Variants in AFF3 observed in about 807,000 individuals in gnomAD.
AFF3 encodes the protein AF4/FMR2 family member 3.
AFF3 carries 32 observed loss-of-function variants against 129.7 expected under a neutral mutation model. The observed-to-expected ratio is 0.25, with a 90% CI of 0.19 to 0.33. AFF3 has a LOEUF of 0.33. AFF3 is among the 10% of genes least tolerant of loss of function. The probability of loss-of-function intolerance (pLI) is 1.00; values close to 1 mark genes in which losing one functional copy is unlikely to be tolerated. For missense variants in AFF3, 1,373 were observed against 1,592.0 expected (o/e 0.86, Z 2.34); for synonymous variants, 644 against 635.4 (o/e 1.01, Z -0.20).
chr2:99,581,522 CT>C (rs74265080), intron 17 of AFF3, among the ~76,000 whole-genome samples: 26,577 of 145,048 alleles, frequency 0.18, 2,241 homozygotes, highest in East Asian at 0.34. Flanking sequence ...GAATCCTGTT[CT>C]TTTTTTTTTT....
At chr2:100,104,595 G>A (rs947365115) in intron 3 of AFF3, 77 bp from the exon 4 acceptor site, 20 of 444,706 alleles carry the variant, frequency 4.5e-5, no homozygotes, top group Non-Finnish European at 5.0e-5. Context: ...CCCACCCCCA[G>A]GTCGGGGCTC....
chr2:100,130,098 C>T (rs1441735701), intron 1 of AFF3, among the ~76,000 whole-genome samples: 3 of 152,210 alleles, frequency 2.0e-5, no homozygotes, highest in African/African-American at 7.2e-5. Context: ...GTATGTCACA[C>T]TTTCAGTAGC....
At chr2:99,734,496 T>A (rs1281241207) in intron 10 of AFF3, among the ~76,000 whole-genome samples, 1 of 152,186 alleles carries the variant, frequency 6.6e-6, no homozygotes, top group African/African-American at 2.4e-5. Context: ...AATAGGATTC[T>A]TGTTTTGAGT....
rs192071671 is a variant in AFF3, at chr2:99,889,938, G to A, written c.874-52414C>T. Reference sequence around the variant, plus strand: ...GCCTCCCAAAGTGTTGGGATTACAGGCATGAGCCACCGCATCCAGCCTGAA... The same window carrying A: ...GCCTCCCAAAGTGTTGGGATTACAGACATGAGCCACCGCATCCAGCCTGAA... On this transcript the variant is annotated intron_variant, in intron 7 of 24. Transcript: ENST00000672756. 9.7e-4 allele frequency among the ~76,000 whole-genome samples: 148 copies of A among 152,292 alleles called. 1 individual carries two copies. The highest frequency in any genetic ancestry group is 3.4e-3 in the African/African-American group (142 of 41,566).
At chr2:99,905,374 G>A (rs1306396916) in intron 7 of AFF3, among the ~76,000 whole-genome samples, 1 of 152,178 alleles carries the variant, frequency 6.6e-6, no homozygotes, top group African/African-American at 2.4e-5. Flanking sequence ...AGAAGGCCAA[G>A]GATGGTCACC....
intron 11 of AFF3, among the ~76,000 whole-genome samples, chr2:99,700,354 T>C (rs1676730472): frequency 6.6e-6 from 1 of 152,162 alleles, no homozygotes; most frequent in Non-Finnish European, 1.5e-5. Context: ...CTCCTGGCCT[T>C]GTGATCCACC....
intron 11 of AFF3, among the ~76,000 whole-genome samples, chr2:99,722,520 AC>A (rs1416347248): frequency 6.6e-6 from 1 of 152,118 alleles, no homozygotes; most frequent in East Asian, 1.9e-4. Flanking sequence ...GAAAGCACAC[AC>A]CCCTTCTGGG....
At chr2:99,997,084 C>T (rs371535912) in intron 7 of AFF3, among the ~76,000 whole-genome samples, 136 of 152,228 alleles carry the variant, frequency 8.9e-4, no homozygotes, top group South Asian at 5.6e-3. Context: ...GCCCTCACTC[C>T]CTGGGTTATG....
At chr2:99,790,275 C>T (rs149473617) in intron 8 of AFF3, among the ~76,000 whole-genome samples, 10 of 152,318 alleles carry the variant, frequency 6.6e-5, no homozygotes, top group African/African-American at 2.4e-4. Flanking sequence ...ACTGGGCTAA[C>T]GTGGTAACTA....
At chr2:99,724,413 C>T (rs1679188221) in intron 11 of AFF3, among the ~76,000 whole-genome samples, 1 of 151,760 alleles carries the variant, frequency 6.6e-6, no homozygotes, top group South Asian at 2.1e-4. Flanking sequence ...GCTGGGATTA[C>T]AGGCGCATGC....
At chr2:99,791,942 C>T (rs1685224553) in intron 8 of AFF3, among the ~76,000 whole-genome samples, 1 of 151,666 alleles carries the variant, frequency 6.6e-6, no homozygotes, top group Non-Finnish European at 1.5e-5. Flanking sequence ...GAAATAAGTG[C>T]ATCAGATATG....
At chr2:100,052,317 A>C (rs1248522207) in intron 4 of AFF3, among the ~76,000 whole-genome samples, 1 of 152,186 alleles carries the variant, frequency 6.6e-6, no homozygotes, top group Non-Finnish European at 1.5e-5. Context: ...CAAAACTTAC[A>C]TTGGGAAGTT....
chr2:99,896,154 A>G (rs1693931071), intron 7 of AFF3, among the ~76,000 whole-genome samples: 1 of 151,958 alleles, frequency 6.6e-6, no homozygotes, highest in Admixed American at 6.6e-5. Context: ...TATAAAACTC[A>G]AGAAAACTCT....
intron 7 of AFF3, among the ~76,000 whole-genome samples, chr2:99,987,517 C>T (rs968741068): frequency 2.0e-5 from 3 of 152,172 alleles, no homozygotes; most frequent in African/African-American, 4.8e-5. Flanking sequence ...TGTATTTATT[C>T]TCAACTTTAG....
intron 8 of AFF3, among the ~76,000 whole-genome samples, chr2:99,793,690 C>T (rs1485125359): frequency 6.6e-6 from 1 of 152,072 alleles, no homozygotes; most frequent in Non-Finnish European, 1.5e-5. Context: ...CCACTTAGAA[C>T]TTTATTAATT....
intron 8 of AFF3, among the ~76,000 whole-genome samples, chr2:99,828,825 G>A (rs1427521373): frequency 6.6e-6 from 1 of 152,104 alleles, no homozygotes; most frequent in Non-Finnish European, 1.5e-5. Flanking sequence ...GGGATTTTAT[G>A]GCACAAGAAT....
intron 18 of AFF3, among the ~76,000 whole-genome samples, chr2:99,570,038 G>A (rs897178935): frequency 1.3e-5 from 2 of 152,186 alleles, no homozygotes; most frequent in African/African-American, 4.8e-5. Flanking sequence ...TCACAGCATA[G>A]TTTTGGGGTC....
chr2:99,659,044 C>T, intron 12 of AFF3, among the ~76,000 whole-genome samples: 1 of 152,204 alleles, frequency 6.6e-6, no homozygotes, highest in East Asian at 1.9e-4. Flanking sequence ...TTGTCAAAAT[C>T]TTCTGGGGAA....
chr2:99,983,019 G>T (rs1329925631), intron 7 of AFF3, among the ~76,000 whole-genome samples: 1 of 152,210 alleles, frequency 6.6e-6, no homozygotes, highest in Non-Finnish European at 1.5e-5. Flanking sequence ...CAGGCATACA[G>T]AGTATAATCC....
Sources: gnomAD v4.1 joint callset for allele counts (sites outside exome capture counted in the v4.1 genomes callset) on GRCh38, gnomAD v4.1.1 for gene constraint, MANE v1.5 for transcripts, NCBI Gene and HGNC (gene_info 2026-07-23, HGNC 2026-07-21) for gene names.